SCAPER: variants seen among roughly 807,000 people sequenced by gnomAD.
SCAPER encodes the protein S-phase cyclin A associated protein in the ER.
A neutral mutation model predicts 182.2 loss-of-function variants in SCAPER; 98 were observed. The observed-to-expected ratio is 0.54, with a 90% CI of 0.46 to 0.64. The LOEUF (loss-of-function observed/expected upper bound fraction) is 0.64, where lower values mean the gene tolerates loss of function less well. Ranked by LOEUF, SCAPER falls within the 30% of genes least tolerant of loss-of-function variation. The pLI, the probability that SCAPER is intolerant of heterozygous loss-of-function variation, is 0.00. For synonymous variants in SCAPER, 605 were observed against 564.6 expected, an observed-to-expected ratio of 1.07 and a Z score of -1.01; for missense variants, 1,432 against 1,690.0, an observed-to-expected ratio of 0.85 and a Z score of 2.68.
chr15:76,562,939 A>G (rs1302999456), intron 23 of SCAPER, among the ~76,000 whole-genome samples: 2 of 152,338 alleles, frequency 1.3e-5, no homozygotes, highest in East Asian at 3.9e-4. Flanking sequence ...TCTCGAAAAC[A>G]TAATTTTGAT....
chr15:76,433,360 T>C (rs2046987169), intron 26 of SCAPER, among the ~76,000 whole-genome samples: 1 of 152,022 alleles, frequency 6.6e-6, no homozygotes, highest in Non-Finnish European at 1.5e-5. Context: ...ATACAAAAAT[T>C]AGCCAGGCAT....
At chr15:76,756,603 T>C (rs936401158) in intron 14 of SCAPER, among the ~76,000 whole-genome samples, 2 of 152,048 alleles carry the variant, frequency 1.3e-5, no homozygotes, top group Non-Finnish European at 2.9e-5. Flanking sequence ...GAAGAATCAT[T>C]ATGCAATTCC....
At chr15:76,755,669 G>A (rs1206658114) in intron 14 of SCAPER, among the ~76,000 whole-genome samples, 1 of 152,104 alleles carries the variant, frequency 6.6e-6, no homozygotes, top group African/African-American at 2.4e-5. Flanking sequence ...TCAGGACTGT[G>A]ACCAAAAGAA....
intron 23 of SCAPER, among the ~76,000 whole-genome samples, chr15:76,559,215 T>A (rs1383735823): frequency 6.1e-5 from 9 of 147,804 alleles, no homozygotes; most frequent in Non-Finnish European, 1.2e-4. Flanking sequence ...TTTTTTTTTT[T>A]TTTTTTTTTT....
intron 26 of SCAPER, among the ~76,000 whole-genome samples, chr15:76,433,773 T>C (rs542796765): frequency 2.6e-5 from 4 of 152,236 alleles, no homozygotes; most frequent in African/African-American, 7.2e-5. Flanking sequence ...GTGTTTATCA[T>C]TGAGCATGTA....
intron 22 of SCAPER, among the ~76,000 whole-genome samples, chr15:76,588,112 C>T (rs567193766): frequency 3.7e-4 from 56 of 152,080 alleles, no homozygotes; most frequent in Admixed American, 9.8e-4. Context: ...TTAGTAGAGA[C>T]GGGGTTTCAC....
In SCAPER at chr15:76,665,693, T is replaced by A. The variant is rs758529509; in HGVS notation, c.2605A>T (p.Lys869Ter). ...LKDGEERQKN[K>*]KKAKKIKARM... ...GCTTTTATCTTTTTGGCTTTTTTTT[T>A]ATTTTTTTGCCGCTCTTCTCCATCT... Residue 869 changes from lysine to a stop codon, truncating the protein, a stop_gained, in exon 21 of 32, where the codon AAA (lysine) becomes TAA (stop). Coordinates refer to ENST00000563290, the MANE Select transcript of SCAPER (RefSeq NM_020843.4). LOFTEE classifies it high-confidence loss of function. 3.6e-5 allele frequency: 57 copies of A among 1,585,038 alleles called. No homozygotes were observed. Among genetic ancestry groups the A allele is most frequent in the Non-Finnish European group, 4.5e-5 (53 of 1,166,210 alleles).
chr15:76,381,430 T>C lies in SCAPER; in HGVS notation c.3653A>G (p.Gln1218Arg), dbSNP rs999484755. 1 of 1,613,872 alleles carries C rather than the reference T, an allele frequency of 6.2e-7. No individual in the cohort carries two copies. Among genetic ancestry groups the C allele is most frequent in the African/African-American group, 1.3e-5 (1 of 75,036 alleles). ...YTQNTIQVAIQSLRFFNSFAA... is the reference protein window; with the variant it reads ...YTQNTIQVAIRSLRFFNSFAA... Reference sequence around the variant, plus strand: ...AAAGCTGTTGAAGAAACGTAAACTCTGAATGGCCACTTGGATGGTATTTTG... The same window carrying C: ...AAAGCTGTTGAAGAAACGTAAACTCCGAATGGCCACTTGGATGGTATTTTG... The change falls in exon 28 of 32, where the codon CAG becomes CGG. Residue 1218 changes from glutamine to arginine, a missense_variant. Around this residue, in one of 5 missense-constraint regions of SCAPER, gnomAD observed 718 missense variants for 799.7 expected, o/e 0.90. Coordinates refer to ENST00000563290, the MANE Select transcript of SCAPER (RefSeq NM_020843.4).
chr15:76,528,675 G>T (rs157792), intron 23 of SCAPER, among the ~76,000 whole-genome samples: 2 of 152,208 alleles, frequency 1.3e-5, no homozygotes, highest in African/African-American at 4.8e-5. Context: ...AGCTTAGAAG[G>T]TTTTCTGCTA....
At chr15:76,678,119 G>C (rs1218064921) in intron 20 of SCAPER, among the ~76,000 whole-genome samples, 2 of 150,802 alleles carry the variant, frequency 1.3e-5, no homozygotes, top group African/African-American at 2.5e-5. Flanking sequence ...AGATCAAATG[G>C]ATTTAAATGT....
At chr15:76,846,859 T>C (rs532531743) in intron 4 of SCAPER, among the ~76,000 whole-genome samples, 2 of 152,244 alleles carry the variant, frequency 1.3e-5, no homozygotes, top group Non-Finnish European at 2.9e-5. Flanking sequence ...TGGGTATATA[T>C]ACCCAAAAGA....
intron 4 of SCAPER, among the ~76,000 whole-genome samples, chr15:76,848,415 G>C (rs1290508494): frequency 1.3e-4 from 19 of 146,378 alleles, no homozygotes; most frequent in Admixed American, 1.2e-3. Flanking sequence ...TTCACTGCAA[G>C]CTCTGCCTCC....
Position 76,511,843 on chromosome 15 carries a change from A to ATATATGTGTGTG in SCAPER, c.2839-6870_2839-6869insCACACACATATA, listed in dbSNP as rs151255382. On this transcript the variant is annotated intron_variant, in intron 23 of 31. Transcript: ENST00000563290. ...AGATACACTTATTATATATATATAT[A>ATATATGTGTGTG]TGTGTGTGTGTGTGTGTGTGTGTGT... Among the ~76,000 whole-genome samples, 85 of 123,284 alleles carry ATATATGTGTGTG rather than the reference A, an allele frequency of 6.9e-4. 1 individual carries two copies. The highest frequency in any genetic ancestry group is 6.3e-3 in the East Asian group (27 of 4,266). 80.9% of individuals were successfully genotyped at this position (123,284 alleles called of 152,430 possible). A position where few individuals can be genotyped will look rare whatever the true frequency, so the allele number is the denominator to read the frequency against.
chr15:76,835,743 G>A (rs907113304), intron 5 of SCAPER, among the ~76,000 whole-genome samples: 1 of 151,998 alleles, frequency 6.6e-6, no homozygotes, highest in Admixed American at 6.6e-5. Context: ...AGGAAGAGAG[G>A]AAGTCAAGCT....
chr15:76,453,231 A>G (rs1328650530), intron 25 of SCAPER, among the ~76,000 whole-genome samples: 1 of 152,226 alleles, frequency 6.6e-6, no homozygotes, highest in African/African-American at 2.4e-5. Context: ...ACATTCTCCT[A>G]CATTACAAGA....
At chr15:76,470,535 T>C (rs1208449818) in intron 25 of SCAPER, among the ~76,000 whole-genome samples, 2 of 152,184 alleles carry the variant, frequency 1.3e-5, no homozygotes, top group Non-Finnish European at 2.9e-5. Context: ...AATAAATCTC[T>C]TGTGTTATAA....
intron 22 of SCAPER, among the ~76,000 whole-genome samples, chr15:76,591,310 C>T (rs756870666): frequency 2.7e-5 from 4 of 150,778 alleles, no homozygotes; most frequent in Non-Finnish European, 6.0e-5. Context: ...CCCAGGAGGA[C>T]AGTTTGGTTT....
intron 7 of SCAPER, among the ~76,000 whole-genome samples, chr15:76,799,320 C>T (rs2065581233): frequency 6.9e-6 from 1 of 144,968 alleles, no homozygotes; most frequent in Non-Finnish European, 1.5e-5. Flanking sequence ...GAGTCTCACT[C>T]TGCTGCCCAG....
At chr15:76,786,331 A>AG in intron 8 of SCAPER, among the ~76,000 whole-genome samples, 1 of 151,790 alleles carries the variant, frequency 6.6e-6, no homozygotes, top group East Asian at 1.9e-4. Flanking sequence ...TGTCTCAAAA[A>AG]AAAAAAAAAA....
Sources: gnomAD v4.1 joint callset for allele counts (sites outside exome capture counted in the v4.1 genomes callset) on GRCh38, gnomAD v4.1.1 for gene constraint, gnomAD v4.1.1 regional missense constraint, MANE v1.5 for transcripts, NCBI Gene and HGNC (gene_info 2026-07-23, HGNC 2026-07-21) for gene names.